TTC28: variants seen among roughly 807,000 people sequenced by gnomAD.
TTC28 encodes tetratricopeptide repeat domain 28.
In TTC28, 61 loss-of-function variants were observed where a neutral mutation model predicts 198.0. That is an observed-to-expected ratio of 0.31 (90% CI 0.25 to 0.38). TTC28 has a LOEUF of 0.38. Ranked by LOEUF, TTC28 falls within the 10% of genes least tolerant of loss-of-function variation. The pLI is 1.00. For synonymous variants in TTC28, 1,171 were observed against 1,297.8 expected (o/e 0.90, Z 2.10); for missense variants, 2,678 against 3,164.0 (o/e 0.85, Z 3.69).
chr22:28,555,577 G>A (rs559439617), intron 2 of TTC28, among the ~76,000 whole-genome samples: 1 of 152,148 alleles, frequency 6.6e-6, no homozygotes, highest in Non-Finnish European at 1.5e-5. Flanking sequence ...ATTATTCTAG[G>A]TGAAGTAACT....
rs567854658 is a variant in TTC28 at position 28,456,958 on chromosome 22, G to A, written c.382-150315C>T. 8.4e-4 allele frequency among the ~76,000 whole-genome samples: 128 copies of A among 152,136 alleles called. 1 individual carries two copies. The South Asian group carries it at 0.025, about 30-fold the overall frequency. ...AATAAACAACTAGCAAACTAATGTC[G>A]GCATAAAAAGTTGAGAAAACAGTCT... On this transcript the variant is annotated intron_variant, in intron 2 of 22. Coordinates refer to ENST00000397906, the MANE Select transcript of TTC28 (RefSeq NM_001145418.2).
At chr22:28,189,832 T>A (rs1924560945) in intron 5 of TTC28, among the ~76,000 whole-genome samples, 1 of 152,078 alleles carries the variant, frequency 6.6e-6, no homozygotes, top group Admixed American at 6.6e-5. Flanking sequence ...AAACTTTACC[T>A]ATATTTTGCT....
chr22:28,487,203 C>T (rs963860412), intron 2 of TTC28, among the ~76,000 whole-genome samples: 4 of 151,744 alleles, frequency 2.6e-5, no homozygotes, highest in African/African-American at 9.7e-5. Context: ...GCACATGGGA[C>T]TTTTTTCCAA....
At chr22:28,207,379 T>C (rs559550795) in intron 5 of TTC28, among the ~76,000 whole-genome samples, 1 of 152,124 alleles carries the variant, frequency 6.6e-6, no homozygotes, top group African/African-American at 2.4e-5. Context: ...AAAAACACTA[T>C]GCTTGGCTAC....
At chr22:28,368,215 A>C (rs2046278360) in intron 2 of TTC28, among the ~76,000 whole-genome samples, 1 of 152,092 alleles carries the variant, frequency 6.6e-6, no homozygotes, top group South Asian at 2.1e-4. Context: ...ACAATACATT[A>C]ACAAGATCAC....
At chr22:28,376,472 A>T (rs1334749324) in intron 2 of TTC28, among the ~76,000 whole-genome samples, 2 of 152,226 alleles carry the variant, frequency 1.3e-5, no homozygotes. Flanking sequence ...GCTTCTGGCA[A>T]GATGGAGTAA....
intron 5 of TTC28, among the ~76,000 whole-genome samples, chr22:28,230,906 G>GT (rs1170726157): frequency 1.3e-5 from 2 of 152,178 alleles, no homozygotes; most frequent in East Asian, 3.8e-4. Context: ...TTGGCAAAAT[G>GT]TTTAAGAGAG....
intron 2 of TTC28, among the ~76,000 whole-genome samples, chr22:28,545,063 ATTCT>A: frequency 6.6e-6 from 1 of 152,282 alleles, no homozygotes; most frequent in East Asian, 1.9e-4. Context: ...TTCATCTCAA[ATTCT>A]TTCTTGTGCA....
At position 28,581,300 on chromosome 22, in the gene TTC28, G is replaced by A. The variant is rs1273121014; in HGVS notation, c.381+48252C>T. Among the ~76,000 whole-genome samples the A allele has an allele frequency of 3.9e-5, 6 of 152,188 alleles. No homozygotes were observed. In the East Asian group the frequency reaches 5.8e-4, roughly 15 times the overall value. ...TTCTAAGTTTCCTGAGGCCTCCCCAGCCACAGTACCCGTAAAGCCGGAAGA... is the reference window on the plus strand; with the variant it reads ...TTCTAAGTTTCCTGAGGCCTCCCCAACCACAGTACCCGTAAAGCCGGAAGA... On this transcript the variant is annotated intron_variant, in intron 2 of 22. Coordinates refer to ENST00000397906, the MANE Select transcript of TTC28 (RefSeq NM_001145418.2).
At chr22:28,054,644 G>A (rs1434626024) in intron 12 of TTC28, among the ~76,000 whole-genome samples, 2 of 152,062 alleles carry the variant, frequency 1.3e-5, no homozygotes, top group Non-Finnish European at 2.9e-5. Flanking sequence ...CGCCCTCCCT[G>A]TGTGGGCTCC....
chr22:28,468,008 C>T (rs566597468), intron 2 of TTC28, among the ~76,000 whole-genome samples: 3 of 151,956 alleles, frequency 2.0e-5, no homozygotes, highest in African/African-American at 7.3e-5. Flanking sequence ...TGGGCTCAAG[C>T]GATCTGCCTG....
intron 2 of TTC28, among the ~76,000 whole-genome samples, chr22:28,316,955 T>A (rs981067070): frequency 3.3e-5 from 5 of 152,018 alleles, no homozygotes; most frequent in South Asian, 2.1e-4. Context: ...TTCTTTTTTT[T>A]TAGAGAGAGG....
At chr22:28,596,790 CATG>C (rs1011647367) in intron 2 of TTC28, among the ~76,000 whole-genome samples, 2 of 152,114 alleles carry the variant, frequency 1.3e-5, no homozygotes, top group African/African-American at 4.8e-5. Flanking sequence ...CCAAATAGCT[CATG>C]ATGAGTGCCA....
At chr22:28,121,868 G>A (rs1476456390) in intron 6 of TTC28, among the ~76,000 whole-genome samples, 3 of 152,018 alleles carry the variant, frequency 2.0e-5, no homozygotes, top group African/African-American at 2.4e-5. Flanking sequence ...TTTTTGTTTT[G>A]TTTTGTTTAT....
Position 28,387,202 on chromosome 22 carries a change from C to A in TTC28, c.382-80559G>T, listed in dbSNP as rs573508071. On this transcript the variant is annotated intron_variant, in intron 2 of 22. Coordinates refer to ENST00000397906, the MANE Select transcript of TTC28 (RefSeq NM_001145418.2). ...CATTTTTTATGGCTGCATAGTATTC[C>A]ATGGTGTACATGTGCCACATTTTCT... Among the ~76,000 whole-genome samples, 161 of 152,302 alleles carry A rather than the reference C, an allele frequency of 1.1e-3. 3 individuals are homozygous for A. Among genetic ancestry groups the A allele is most frequent in the African/African-American group, 3.5e-3 (147 of 41,552 alleles).
At position 28,078,502 on chromosome 22, in the gene TTC28, A is replaced by G. The variant is rs1601593935; in HGVS notation, c.3932+15578T>C. ...CTGCTTGGAAAGACATACAAACTAC[A>G]TAAATATAAAACTGGAAAGAACAAA... On this transcript the variant is annotated intron_variant, in intron 12 of 22. Coordinates refer to ENST00000397906, the MANE Select transcript of TTC28 (RefSeq NM_001145418.2). 2.6e-5 allele frequency among the ~76,000 whole-genome samples: 4 copies of G among 152,084 alleles called. No individual in the cohort carries two copies. In the South Asian group the frequency reaches 8.3e-4, roughly 32 times the overall value.
intron 5 of TTC28, among the ~76,000 whole-genome samples, chr22:28,166,219 A>G (rs1438258809): frequency 6.6e-6 from 1 of 152,192 alleles, no homozygotes; most frequent in Admixed American, 6.5e-5. Context: ...CCCACTCAAT[A>G]ATAATGGGAG....
intron 2 of TTC28, among the ~76,000 whole-genome samples, chr22:28,352,620 C>T (rs2046016810): frequency 6.6e-6 from 1 of 151,948 alleles, no homozygotes; most frequent in South Asian, 2.1e-4. Flanking sequence ...TGGGGGTAGC[C>T]CACTGATACC....
At chr22:28,499,359 A>C (rs2048502842) in intron 2 of TTC28, among the ~76,000 whole-genome samples, 1 of 152,208 alleles carries the variant, frequency 6.6e-6, no homozygotes, top group Admixed American at 6.5e-5. Context: ...ACTATGAAAA[A>C]GTAAGAATTA....
Sources: gnomAD v4.1 joint callset for allele counts (sites outside exome capture counted in the v4.1 genomes callset) on GRCh38, gnomAD v4.1.1 for gene constraint, MANE v1.5 for transcripts, NCBI Gene and HGNC (gene_info 2026-07-23, HGNC 2026-07-21) for gene names.